Variants in ZNF267 observed in about 807,000 individuals in gnomAD.
ZNF267 encodes zinc finger (C2H2).
Under a neutral mutation model 71.6 loss-of-function variants are expected in ZNF267, and 61 were observed. The ratio of observed to expected loss-of-function variants is 0.85; its 90% CI spans 0.69 to 1.05. The LOEUF (loss-of-function observed/expected upper bound fraction) is 1.05. Among genes scored for constraint, ZNF267 ranks in the 50% least tolerant of loss-of-function variants. ZNF267 has a pLI of 0.00. For synonymous variants in ZNF267, 288 were observed against 293.2 expected (o/e 0.98, Z 0.18); for missense variants, 852 against 870.0 (o/e 0.98, Z 0.26).
chr16:31,904,939 A>C (rs1168660608), intron 3 of ZNF267, among the ~76,000 whole-genome samples: 1 of 151,982 alleles, frequency 6.6e-6, no homozygotes, highest in East Asian at 1.9e-4. Context: ...GTTCCTTTCC[A>C]TGTTTAGTGC....
chr16:31,903,361 C>T (rs892750335), intron 3 of ZNF267, among the ~76,000 whole-genome samples: 15 of 152,060 alleles, frequency 9.9e-5, no homozygotes, highest in African/African-American at 1.4e-4. Context: ...TCAGAAGGAA[C>T]GGTAGCAGCT....
intron 3 of ZNF267, among the ~76,000 whole-genome samples, chr16:31,905,980 G>A (rs1249861541): frequency 6.6e-6 from 1 of 152,090 alleles, no homozygotes; most frequent in African/African-American, 2.4e-5. Flanking sequence ...TGTCCTTTCC[G>A]TTTGTTAGTT....
At chr16:31,887,632 A>G (rs1473181366) in intron 3 of ZNF267, among the ~76,000 whole-genome samples, 2 of 152,070 alleles carry the variant, frequency 1.3e-5, no homozygotes, top group Non-Finnish European at 2.9e-5. Context: ...TATTTGTTGA[A>G]GAGACTATAC....
intron 1 of ZNF267, among the ~76,000 whole-genome samples, chr16:31,883,470 G>C (rs989790145): frequency 1.3e-5 from 2 of 152,082 alleles, no homozygotes; most frequent in African/African-American, 4.8e-5. Context: ...CTGCTTTCTT[G>C]TTTTCGTTAC....
chr16:31,902,971 A>G (rs149870098), intron 3 of ZNF267, among the ~76,000 whole-genome samples: 152 of 152,276 alleles, frequency 1.0e-3, no homozygotes, highest in African/African-American at 3.5e-3. Context: ...ATGAATACCT[A>G]ATGTATTGAG....
rs114065693 is a variant in ZNF267, at chr16:31,877,088, A to G, written c.3+3119A>G. Among the ~76,000 whole-genome samples the G allele has an allele frequency of 5.7e-3, 863 of 152,038 alleles. 7 individuals carry two copies. The highest frequency in any genetic ancestry group is 0.02 in the African/African-American group (819 of 41,430). ...CTTCCCAGAAACCCAGGGCACTACA[A>G]CCACTTCCATATAGTCGCCTACTCA... On this transcript the variant is annotated intron_variant, in intron 1 of 3. Coordinates refer to ENST00000300870, the MANE Select transcript of ZNF267 (RefSeq NM_003414.6).
At chr16:31,910,677 TAAAA>T (rs886527179) in intron 3 of ZNF267, among the ~76,000 whole-genome samples, 8 of 151,530 alleles carry the variant, frequency 5.3e-5, no homozygotes, top group Non-Finnish European at 8.8e-5. Context: ...TTTATCTGCT[TAAAA>T]AAATCAACTT....
chr16:31,875,439 T>G, intron 1 of ZNF267: 1 of 722,440 alleles, frequency 1.4e-6, no homozygotes, highest in Non-Finnish European at 1.9e-6. Context: ...TTTCATCCCT[T>G]GGAGACACAT....
At position 31,894,810 on chromosome 16, in the gene ZNF267, T is replaced by C. The variant is rs117945257; in HGVS notation, c.226+9554T>C. 2,328 of 492,286 alleles carry C rather than the reference T, an allele frequency of 4.7e-3. 11 individuals are homozygous for C. Among genetic ancestry groups the C allele is most frequent in the Non-Finnish European group, 7.1e-3 (1,754 of 246,018 alleles). 30.5% of individuals were successfully genotyped at this position (492,286 alleles called of 1,614,324 possible). A position where few individuals can be genotyped will look rare whatever the true frequency, so the allele number is the denominator to read the frequency against. ...TTCAAGGAGCTGTTCCCTGCATACATTGACTTCTTTAGTAAGTGCCGTGAA... is the reference window on the plus strand; with the variant it reads ...TTCAAGGAGCTGTTCCCTGCATACACTGACTTCTTTAGTAAGTGCCGTGAA... On this transcript the variant is annotated intron_variant, in intron 3 of 3. Coordinates refer to ENST00000300870, the MANE Select transcript of ZNF267 (RefSeq NM_003414.6).
intron 1 of ZNF267, among the ~76,000 whole-genome samples, chr16:31,883,152 AAT>A (rs1315977308): frequency 1.3e-5 from 2 of 152,202 alleles, no homozygotes; most frequent in Admixed American, 1.3e-4. Context: ...ACATATAACA[AAT>A]ATGTCTATTG....
chr16:31,906,027 G>C (rs753358739), intron 3 of ZNF267, among the ~76,000 whole-genome samples: 12 of 152,214 alleles, frequency 7.9e-5, no homozygotes, highest in Non-Finnish European at 1.6e-4. Context: ...CTGCAGGTCT[G>C]TTTGAGTTTG....
chr16:31,889,304 A>G (rs2083944897), intron 3 of ZNF267, among the ~76,000 whole-genome samples: 1 of 151,638 alleles, frequency 6.6e-6, no homozygotes, highest in Admixed American at 6.6e-5. Context: ...AATTATGCCA[A>G]CACTGGGATT....
chr16:31,875,212 G>A (rs1424404149), intron 1 of ZNF267: 16 of 1,289,122 alleles, frequency 1.2e-5, no homozygotes, highest in Non-Finnish European at 1.4e-5. Flanking sequence ...GAACTGTCTG[G>A]GATGACTCAA....
chr16:31,916,476 C>G lies in ZNF267; in HGVS notation c.2227C>G (p.Leu743Val). The change falls in exon 4 of 4, where the codon CTT becomes GTT. Residue 743 changes from leucine (L) to valine (V), a missense_variant. Leu to Val is a conservative substitution (Grantham distance 32). Transcript: ENST00000300870. ...TCAGAGAAGTCATACTAGAGAAAAA[C>G]TTTAAAAATGTAAAACATGGAGCAG... ...AHQRSHTREK[L>V] 6.2e-7 allele frequency: 1 copy of G among 1,604,050 alleles called. No individual in the cohort carries two copies. Among genetic ancestry groups the G allele is most frequent in the Non-Finnish European group, 8.5e-7 (1 of 1,175,688 alleles).
chr16:31,903,490 T>A (rs1358683981), intron 3 of ZNF267, among the ~76,000 whole-genome samples: 1 of 152,236 alleles, frequency 6.6e-6, no homozygotes, highest in East Asian at 1.9e-4. Context: ...GTTTAGAGAC[T>A]CAACTTCTTC....
rs1255166002 is a variant in ZNF267 at position 31,915,640 on chromosome 16, A to G, written c.1391A>G (p.Tyr464Cys). The change falls in exon 4 of 4, where the codon TAC (tyrosine) becomes TGC (cysteine). Residue 464 changes from tyrosine to cysteine, a missense_variant. Transcript: ENST00000300870. ...ACAACTCATACAGGAGAAAAACTTT[A>G]CAAATGTAAAGTATGTAGCAAATCT... ...HQTTHTGEKL[Y>C]KCKVCSKSYA... The G allele has an allele frequency of 2.5e-6, 4 of 1,613,958 alleles. No individual in the cohort carries two copies. Among genetic ancestry groups the G allele is most frequent in the South Asian group, 1.1e-5 (1 of 91,070 alleles).
chr16:31,890,032 A>G (rs1202386933), intron 3 of ZNF267, among the ~76,000 whole-genome samples: 1 of 152,146 alleles, frequency 6.6e-6, no homozygotes, highest in African/African-American at 2.4e-5. Context: ...CTTGTTTTCT[A>G]TTTTTGGTTT....
chr16:31,902,291 C>T (rs1003157774), intron 3 of ZNF267, among the ~76,000 whole-genome samples: 1 of 151,956 alleles, frequency 6.6e-6, no homozygotes, highest in African/African-American at 2.4e-5. Flanking sequence ...TTATTTGGTT[C>T]CATATGATCT....
chr16:31,898,675 T>C (rs1263705203), intron 3 of ZNF267, among the ~76,000 whole-genome samples: 1 of 152,130 alleles, frequency 6.6e-6, no homozygotes, highest in Non-Finnish European at 1.5e-5. Flanking sequence ...TGTATTAACC[T>C]GATAACTTTA....
Sources: allele counts gnomAD v4.1 joint callset (sites outside exome capture counted in the v4.1 genomes callset), GRCh38; gene constraint gnomAD v4.1.1; transcripts MANE v1.5; gene names NCBI Gene and HGNC (gene_info 2026-07-23, HGNC 2026-07-21).